MYLIP: variants seen among roughly 807,000 people sequenced by gnomAD.
MYLIP encodes myosin regulatory light chain interacting protein.
A neutral mutation model predicts 45.8 loss-of-function variants in MYLIP; 26 were observed. The observed-to-expected ratio is 0.57, with a 90% CI of 0.42 to 0.79. MYLIP has a LOEUF of 0.79. Ranked by LOEUF, MYLIP falls within the 30% of genes least tolerant of loss-of-function variation. The pLI is 0.00. For missense variants in MYLIP, 494 were observed against 555.6 expected, an observed-to-expected ratio of 0.89 and a Z score of 1.11; for synonymous variants, 213 against 218.1, an observed-to-expected ratio of 0.98 and a Z score of 0.21.
rs199776727 is a variant in MYLIP at position 16,145,118 on chromosome 6, C to T, written c.1049C>T (p.Pro350Leu). ...SRNNQSPSHS[P>L]LKSSESSMNC... The stretch of plus-strand genomic sequence containing the variant: ...AACAACCAGAGCCCTTCACACTCGC[C>T]TCTGAAGTCCTCAGAAAGCAGCATG... The change falls in exon 6 of 7, where the codon CCT becomes CTT. Residue 350 changes from proline to leucine, a missense_variant. Pro to Leu is a moderately conservative substitution (Grantham distance 98). Transcript: ENST00000356840. 2.9e-4 allele frequency: 462 copies of T among 1,614,244 alleles called. No homozygotes were observed. The highest frequency in any genetic ancestry group is 1.2e-4 in the Non-Finnish European group (137 of 1,180,044).
rs183409081 is a variant in MYLIP at position 16,140,065 on chromosome 6, A to C, written c.279-1560A>C. ...TCCTTAGTCGATTCTTACCTTGCTC[A>C]TGTTCCTCTACCTGGAATGTCAGAC... On this transcript the variant is annotated intron_variant, in intron 2 of 6. Coordinates refer to ENST00000356840, the MANE Select transcript of MYLIP (RefSeq NM_013262.4). 1.2e-4 allele frequency among the ~76,000 whole-genome samples: 19 copies of C among 152,204 alleles called. 1 individual carries two copies. The highest frequency in any genetic ancestry group is 4.4e-5 in the Non-Finnish European group (3 of 68,032).
chr6:16,156,971 T>C, the MYLIP span, among the ~76,000 whole-genome samples: 2 of 152,214 alleles, frequency 1.3e-5, no homozygotes, highest in Non-Finnish European at 2.9e-5. Context: ...CCCCACTGCA[T>C]GCAGAGTTCA....
chr6:16,146,593 G>A (rs1759794873), intron 6 of MYLIP, 69 bp from the exon 7 acceptor site: 2 of 1,209,496 alleles, frequency 1.7e-6, no homozygotes, highest in Non-Finnish European at 2.4e-6. Context: ...GACCAGGGGT[G>A]TGCACAGAGA....
the MYLIP span, chr6:16,160,921 AG>A: frequency 6.5e-6 from 1 of 152,790 alleles, no homozygotes; most frequent in Admixed American, 6.5e-5. Flanking sequence ...ATTATGCACC[AG>A]GGCCTGGTGG....
At chr6:16,138,857 A>T (rs1358664107) in intron 2 of MYLIP, among the ~76,000 whole-genome samples, 1 of 152,192 alleles carries the variant, frequency 6.6e-6, no homozygotes, top group Non-Finnish European at 1.5e-5. Flanking sequence ...CCAGGCTAGA[A>T]TGTGGAGTAT....
chr6:16,130,022 G>A (rs1759425495), intron 1 of MYLIP, among the ~76,000 whole-genome samples: 1 of 152,214 alleles, frequency 6.6e-6, no homozygotes, highest in South Asian at 2.1e-4. Context: ...GCCAAATAGT[G>A]CAGAGGTGGT....
intron 2 of MYLIP, among the ~76,000 whole-genome samples, chr6:16,133,240 TG>T (rs1414787342): frequency 6.6e-6 from 1 of 152,232 alleles, no homozygotes; most frequent in African/African-American, 2.4e-5. Flanking sequence ...TCTGAAGAGA[TG>T]GTTTCTAAAT....
chr6:16,130,582 A>T lies in MYLIP; in HGVS notation c.113A>T (p.Glu38Val). ...GTGTGCAGGCGACTGGGAATCATAGAAGTTGACTATTTTGGACTGCAGTTT... is the reference window on the plus strand; with the variant it reads ...GTGTGCAGGCGACTGGGAATCATAGTAGTTGACTATTTTGGACTGCAGTTT... ...NQVCRRLGIIEVDYFGLQFTG... is the reference protein window; with the variant it reads ...NQVCRRLGIIVVDYFGLQFTG... Residue 38 changes from glutamate (E) to valine (V), a missense_variant, in exon 2 of 7, where the codon GAA becomes GTA. By Grantham distance (121) the Glu-to-Val change is moderately radical. Coordinates refer to ENST00000356840, the MANE Select transcript of MYLIP (RefSeq NM_013262.4). 1 of 1,614,130 alleles carries T rather than the reference A, an allele frequency of 6.2e-7. No individual in the cohort carries two copies. The highest frequency in any genetic ancestry group is 8.5e-7 in the Non-Finnish European group (1 of 1,180,008).
chr6:16,153,568 T>G, the MYLIP span, among the ~76,000 whole-genome samples: 1 of 152,208 alleles, frequency 6.6e-6, no homozygotes, highest in Non-Finnish European at 1.5e-5. Context: ...ACCTTTCTCC[T>G]TCATCCCCAC....
At chr6:16,159,121 C>T in the MYLIP span, among the ~76,000 whole-genome samples, 18 of 152,342 alleles carry the variant, frequency 1.2e-4, no homozygotes, top group South Asian at 8.3e-4. Context: ...ATGTTTACAG[C>T]TGTGCTGGTT....
the MYLIP span, chr6:16,161,232 T>C: frequency 1.6e-5 from 5 of 318,598 alleles, no homozygotes; most frequent in Non-Finnish European, 2.5e-5. Context: ...CGAATCATCC[T>C]TCTGGTAATA....
intron 2 of MYLIP, among the ~76,000 whole-genome samples, chr6:16,136,917 A>T (rs1211300804): frequency 6.6e-6 from 1 of 152,196 alleles, no homozygotes; most frequent in Non-Finnish European, 1.5e-5. Flanking sequence ...CAAATTCTTC[A>T]TGTACCCTAG....
In MYLIP at chr6:16,130,755, G is replaced by A; in HGVS notation, c.278+8G>A. The A allele has an allele frequency of 1.2e-6, 2 of 1,609,654 alleles. No homozygotes were observed. The highest frequency in any genetic ancestry group is 2.7e-5 in the African/African-American group (2 of 74,792). ...CTTACAGGAGCAGACTAGGTAAAGT[G>A]AGCTAAAATAAACCAATGTCAAATT... On this transcript the variant is annotated splice_region_variant and intron_variant, in intron 2 of 6. Coordinates refer to ENST00000356840, the MANE Select transcript of MYLIP (RefSeq NM_013262.4).
intron 3 of MYLIP, among the ~76,000 whole-genome samples, chr6:16,142,557 T>C (rs773171632): frequency 2.0e-5 from 3 of 152,226 alleles, no homozygotes; most frequent in Non-Finnish European, 4.4e-5. Context: ...CATGAGACTG[T>C]AGTCAAGCTG....
chr6:16,131,155 A>G (rs756116375), intron 2 of MYLIP, among the ~76,000 whole-genome samples: 47 of 152,182 alleles, frequency 3.1e-4, no homozygotes, highest in Non-Finnish European at 5.7e-4. Flanking sequence ...CTGTTCTAAC[A>G]GAAAGCAGGA....
chr6:16,161,027 G>A, the MYLIP span: 6,083 of 156,094 alleles, frequency 0.039, 402 homozygotes, highest in African/African-American at 0.14. Flanking sequence ...CATCCTCGCC[G>A]GAGTGGAGAC....
intron 2 of MYLIP, among the ~76,000 whole-genome samples, chr6:16,136,232 C>T (rs996880072): frequency 6.6e-6 from 1 of 152,022 alleles, no homozygotes; most frequent in African/African-American, 2.4e-5. Context: ...AACCCCTCCC[C>T]TTCTTTCCCA....
At chr6:16,137,211 A>G (rs1759573839) in intron 2 of MYLIP, among the ~76,000 whole-genome samples, 1 of 152,246 alleles carries the variant, frequency 6.6e-6, no homozygotes, top group African/African-American at 2.4e-5. Flanking sequence ...TAAAGATACA[A>G]AACAGAAAAC....
At chr6:16,141,232 G>A (rs1314818916) in intron 2 of MYLIP, among the ~76,000 whole-genome samples, 1 of 152,144 alleles carries the variant, frequency 6.6e-6, no homozygotes. Context: ...TTGAATAAAG[G>A]TGAGAATTTT....
Sources: gnomAD v4.1 joint callset for allele counts (sites outside exome capture counted in the v4.1 genomes callset) on GRCh38, gnomAD v4.1.1 for gene constraint, MANE v1.5 for transcripts, NCBI Gene and HGNC (gene_info 2026-07-23, HGNC 2026-07-21) for gene names.